Variants in PLCL2 observed in about 807,000 individuals in gnomAD.
PLCL2 encodes the protein phospholipase C like 2, also known as inactive phospholipase C-like protein 2.
A neutral mutation model predicts 79.6 loss-of-function variants in PLCL2; 4 were observed. The ratio of observed to expected loss-of-function variants is 0.05; its 90% CI spans 0.02 to 0.11. PLCL2 has a LOEUF of 0.11. Among genes scored for constraint, PLCL2 ranks in the 10% least tolerant of loss-of-function variants. The pLI, the probability that PLCL2 is intolerant of heterozygous loss-of-function variation, is 1.00. For missense variants in PLCL2, 895 were observed against 1,291.0 expected (o/e 0.69, Z 4.70); for synonymous variants, 484 against 457.7 (o/e 1.06, Z -0.73).
intron 1 of PLCL2, among the ~76,000 whole-genome samples, chr3:16,909,928 G>C (rs1696837183): frequency 6.6e-6 from 1 of 152,044 alleles, no homozygotes. Context: ...GGCCCACTAT[G>C]ATCACATCAC....
intron 1 of PLCL2, among the ~76,000 whole-genome samples, chr3:16,978,876 G>A (rs550511742): frequency 6.6e-6 from 1 of 152,328 alleles, no homozygotes; most frequent in African/African-American, 2.4e-5. Context: ...AGGAAAACTT[G>A]TGCTTAATTT....
chr3:17,044,293 C>A (rs2064759269), intron 4 of PLCL2: 1 of 152,228 alleles, frequency 6.6e-6, no homozygotes, highest in African/African-American at 2.4e-5. Context: ...GCTGCCTGTC[C>A]CCATTCCCTG....
chr3:17,005,771 T>TA (rs554684154), intron 1 of PLCL2, among the ~76,000 whole-genome samples: 235 of 152,272 alleles, frequency 1.5e-3, no homozygotes, highest in African/African-American at 4.5e-3. Context: ...TCAGGGTTGA[T>TA]ATGGAGGTAG....
At chr3:17,073,025 C>T (rs952046567) in intron 5 of PLCL2, among the ~76,000 whole-genome samples, 1 of 152,186 alleles carries the variant, frequency 6.6e-6, no homozygotes, top group African/African-American at 2.4e-5. Flanking sequence ...TCCCACAGGC[C>T]TCCCATTGCT....
intron 4 of PLCL2, among the ~76,000 whole-genome samples, chr3:17,052,955 T>C (rs1297028894): frequency 6.6e-6 from 1 of 152,238 alleles, no homozygotes; most frequent in Non-Finnish European, 1.5e-5. Context: ...TAGGCTATTA[T>C]TAGTAAACTT....
At chr3:16,985,102 T>A (rs2064035759) in intron 1 of PLCL2, among the ~76,000 whole-genome samples, 1 of 152,148 alleles carries the variant, frequency 6.6e-6, no homozygotes, top group African/African-American at 2.4e-5. Flanking sequence ...TGTGGAATTC[T>A]TTACTTCTCT....
chr3:16,994,782 T>C (rs2064137048), intron 1 of PLCL2, among the ~76,000 whole-genome samples: 1 of 152,168 alleles, frequency 6.6e-6, no homozygotes, highest in Non-Finnish European at 1.5e-5. Flanking sequence ...ACCACCGTGT[T>C]CCCTTTGTGA....
intron 1 of PLCL2, among the ~76,000 whole-genome samples, chr3:16,959,274 C>G (rs1192719874): frequency 6.6e-6 from 1 of 152,114 alleles, no homozygotes; most frequent in Non-Finnish European, 1.5e-5. Context: ...AGGTGGTCCA[C>G]GCTCCTATCT....
chr3:16,959,410 C>G (rs997172254), intron 1 of PLCL2, among the ~76,000 whole-genome samples: 1 of 152,198 alleles, frequency 6.6e-6, no homozygotes, highest in Admixed American at 6.5e-5. Flanking sequence ...GTTGACCTTT[C>G]CACAGCAGTA....
intron 1 of PLCL2, among the ~76,000 whole-genome samples, chr3:16,950,504 G>T (rs953912432): frequency 4.6e-5 from 7 of 151,098 alleles, no homozygotes; most frequent in African/African-American, 1.5e-4. Flanking sequence ...GATTCTCTTA[G>T]CTCTTCATGT....
intron 1 of PLCL2, among the ~76,000 whole-genome samples, chr3:16,888,925 G>T (rs1282470512): frequency 2.6e-5 from 4 of 152,076 alleles, no homozygotes; most frequent in Non-Finnish European, 5.9e-5. Context: ...TGTGAACTTT[G>T]ACCAATACAT....
chr3:17,088,340 A>T (rs2065241190), intron 5 of PLCL2, among the ~76,000 whole-genome samples: 1 of 152,182 alleles, frequency 6.6e-6, no homozygotes, highest in Admixed American at 6.5e-5. Context: ...AAAGAGGGAA[A>T]GGCGGAGGAG....
intron 4 of PLCL2, among the ~76,000 whole-genome samples, chr3:17,048,147 A>G (rs1374663066): frequency 6.6e-6 from 1 of 151,486 alleles, no homozygotes; most frequent in Non-Finnish European, 1.5e-5. Context: ...GTTATCAGAT[A>G]AGTAAGCCAT....
At chr3:16,984,677 A>G (rs1184000648) in intron 1 of PLCL2, among the ~76,000 whole-genome samples, 1 of 152,178 alleles carries the variant, frequency 6.6e-6, no homozygotes, top group East Asian at 1.9e-4. Flanking sequence ...TCACGCCTGT[A>G]ATCCCAGCAC....
chr3:17,000,111 G>T (rs2064193402), intron 1 of PLCL2, among the ~76,000 whole-genome samples: 1 of 152,144 alleles, frequency 6.6e-6, no homozygotes, highest in African/African-American at 2.4e-5. Context: ...ACCTTTCAAA[G>T]ACTAACATCT....
rs1467484931 is a variant in PLCL2 at position 17,010,078 on chromosome 3, A to G, written c.732A>G (p.Thr244=). 2 of 1,613,718 alleles carry G rather than the reference A, an allele frequency of 1.2e-6. No individual in the cohort carries two copies. Among genetic ancestry groups the G allele is most frequent in the East Asian group, 2.2e-5 (1 of 44,884 alleles). ...CAGATGTTGCAAACATCTGGGTTAC[A>G]GGACTGCGGTACCTAATTTCTTATG... ...NSADVANIWV[T]GLRYLISYGK... Residue 244 remains threonine (T), a synonymous_variant, in exon 2 of 6, where the codon ACA becomes ACG. Coordinates refer to ENST00000615277, the MANE Select transcript of PLCL2 (RefSeq NM_001144382.2). This position sits in a 1 kb window ranked among gnomAD's most constrained non-coding sequence, Gnocchi z 5.8.
At chr3:17,074,093 T>C (rs1490322585) in intron 5 of PLCL2, among the ~76,000 whole-genome samples, 1 of 152,238 alleles carries the variant, frequency 6.6e-6, no homozygotes, top group African/African-American at 2.4e-5. Context: ...CCCCGATTCA[T>C]CAGAGGAATC....
chr3:16,960,119 ATCT>A (rs1309688726), intron 1 of PLCL2, among the ~76,000 whole-genome samples: 3 of 152,092 alleles, frequency 2.0e-5, no homozygotes, highest in Non-Finnish European at 4.4e-5. Context: ...AAAAAAGTTC[ATCT>A]TCTCCATAAA....
Position 17,019,771 on chromosome 3 carries a change from T to G in PLCL2, c.3018+4860T>G, listed in dbSNP as rs896218768. ...TGCAATCATAAATGTCTGAACACAT[T>G]GTTTATAATTTCAGAAAACAAAAGT... On this transcript the variant is annotated intron_variant, in intron 3 of 5. Coordinates refer to ENST00000615277, the MANE Select transcript of PLCL2 (RefSeq NM_001144382.2). Among the ~76,000 whole-genome samples the G allele has an allele frequency of 2.0e-5, 3 of 152,254 alleles. No individual in the cohort carries two copies. In the East Asian group the frequency reaches 5.8e-4, roughly 29 times the overall value.
Sources: allele counts gnomAD v4.1 joint callset (sites outside exome capture counted in the v4.1 genomes callset), GRCh38; gene constraint gnomAD v4.1.1; non-coding constraint Gnocchi (gnomAD v3.1); transcripts MANE v1.5; gene names NCBI Gene and HGNC (gene_info 2026-07-23, HGNC 2026-07-21).